Variants in IL1RAPL2 observed in about 807,000 individuals in gnomAD.
The protein encoded by IL1RAPL2 is X-linked interleukin-1 receptor accessory protein-like 2.
In IL1RAPL2, 3 loss-of-function variants were observed where a neutral mutation model predicts 44.1. The observed-to-expected ratio is 0.07, with a 90% confidence interval of 0.03 to 0.18. The LOEUF is 0.18. Among genes scored for constraint, IL1RAPL2 ranks in the 10% least tolerant of loss-of-function variants. The pLI is 1.00. For synonymous variants in IL1RAPL2, 181 were observed against 178.8 expected (o/e 1.01, Z -0.10); for missense variants, 391 against 496.4 (o/e 0.79, Z 2.02).
intron 6 of IL1RAPL2, among the ~76,000 whole-genome samples, chrX:105,705,088 C>T (rs1403026580): frequency 1.8e-5 from 2 of 110,204 alleles, no homozygotes; most frequent in Non-Finnish European, 3.8e-5. Context: ...ACTACATACT[C>T]ATGTGCACAC....
intron 2 of IL1RAPL2, among the ~76,000 whole-genome samples, chrX:104,733,367 G>A (rs1931957504): frequency 9.0e-6 from 1 of 110,666 alleles, no homozygotes; most frequent in Admixed American, 9.7e-5. Flanking sequence ...CGAGGTGGGC[G>A]GATTGCCTGA....
intron 2 of IL1RAPL2, among the ~76,000 whole-genome samples, chrX:104,665,374 T>A (rs2148025996): frequency 9.0e-6 from 1 of 111,118 alleles, no homozygotes; most frequent in South Asian, 3.8e-4. Context: ...ATTATCCATT[T>A]AATTTTTTGG....
chrX:104,966,989 A>G (rs1179192793), intron 2 of IL1RAPL2, among the ~76,000 whole-genome samples: 1 of 112,692 alleles, frequency 8.9e-6, no homozygotes, highest in Non-Finnish European at 1.9e-5. Flanking sequence ...AAAAACAGGC[A>G]GTAGGCCAGT....
chrX:105,042,202 G>A (rs1453681225), intron 2 of IL1RAPL2, among the ~76,000 whole-genome samples: 1 of 109,598 alleles, frequency 9.1e-6, no homozygotes, highest in Non-Finnish European at 1.9e-5. Flanking sequence ...AAAAGCAATG[G>A]CAACAAAAGC....
intron 3 of IL1RAPL2, among the ~76,000 whole-genome samples, chrX:105,201,785 C>T (rs781798323): frequency 5.4e-5 from 6 of 111,753 alleles, no homozygotes; most frequent in African/African-American, 6.5e-5. Flanking sequence ...GTCAACAAGT[C>T]GGTTACCCAG....
intron 4 of IL1RAPL2, among the ~76,000 whole-genome samples, chrX:105,259,094 A>G (rs1181478952): frequency 1.9e-5 from 2 of 103,670 alleles, no homozygotes; most frequent in Non-Finnish European, 4.0e-5. Flanking sequence ...GAGTACAGTC[A>G]ATAGGTGTTT....
intron 2 of IL1RAPL2, among the ~76,000 whole-genome samples, chrX:104,950,865 G>C (rs957243428): frequency 9.0e-6 from 1 of 110,910 alleles, no homozygotes; most frequent in Non-Finnish European, 1.9e-5. Context: ...CCGCCACCTC[G>C]CCCGGCTAAT....
In IL1RAPL2 at chrX:105,409,880, T is replaced by TG. The variant is rs66840352; in HGVS notation, c.698-74423dup. On this transcript the variant is annotated intron_variant, in intron 5 of 10. Transcript: ENST00000372582. The stretch of plus-strand genomic sequence containing the variant: ...GACAGACAGACAGATAGATAGAGTG[T>TG]GGGGGGGGGGTTGGAAAACATATTT... Among the ~76,000 whole-genome samples, 272 of 101,964 alleles carry TG rather than the reference T, an allele frequency of 2.7e-3. 3 individuals carry two copies. The highest frequency in any genetic ancestry group is 9.7e-3 in the African/African-American group (258 of 26,734). The allele number at this position is 101,964 out of a possible 115,157, so 88.5% of individuals were successfully genotyped here.
At chrX:105,729,868 G>A (rs867827568) in intron 7 of IL1RAPL2, among the ~76,000 whole-genome samples, 11 of 77,090 alleles carry the variant, frequency 1.4e-4, no homozygotes, top group Non-Finnish European at 2.2e-4. Context: ...GACGAAGGAA[G>A]GAAGGAAAGA....
chrX:105,392,773 G>T (rs766418668), intron 5 of IL1RAPL2, among the ~76,000 whole-genome samples: 11 of 112,320 alleles, frequency 9.8e-5, no homozygotes, highest in African/African-American at 3.2e-4. Flanking sequence ...CTCACTGGTT[G>T]TGCTGAAGTG....
chrX:104,887,700 C>T (rs187531176), intron 2 of IL1RAPL2, among the ~76,000 whole-genome samples: 8 of 111,917 alleles, frequency 7.1e-5, no homozygotes, highest in South Asian at 3.8e-4. Flanking sequence ...GGGAACCAAT[C>T]GAGCATGACT....
chrX:104,968,736 A>G (rs2030173505), intron 2 of IL1RAPL2, among the ~76,000 whole-genome samples: 1 of 111,368 alleles, frequency 9.0e-6, no homozygotes. Flanking sequence ...ATTTTAGGAA[A>G]AAAACCGCGT....
chrX:104,785,265 C>G (rs1345434588), intron 2 of IL1RAPL2, among the ~76,000 whole-genome samples: 1 of 111,812 alleles, frequency 8.9e-6, no homozygotes, highest in Non-Finnish European at 1.9e-5. Flanking sequence ...ATCCTTGTGC[C>G]TTGGCCTCCC....
In IL1RAPL2 at chrX:104,631,350, A is replaced by T. The variant is rs999414552; in HGVS notation, c.-19-27545A>T. ...ATGATTTATAATCCTTTGGGTATATACCCAGTAATGGGATGGCTGGGTCAA... is the reference window on the plus strand; with the variant it reads ...ATGATTTATAATCCTTTGGGTATATTCCCAGTAATGGGATGGCTGGGTCAA... On this transcript the variant is annotated intron_variant, in intron 1 of 10. Transcript: ENST00000372582. 2.7e-5 allele frequency among the ~76,000 whole-genome samples: 3 copies of T among 112,002 alleles called. No individual in the cohort carries two copies. In the South Asian group the frequency reaches 1.1e-3, roughly 42 times the overall value.
At chrX:105,450,929 T>TG (rs2036015529) in intron 5 of IL1RAPL2, among the ~76,000 whole-genome samples, 1 of 109,970 alleles carries the variant, frequency 9.1e-6, no homozygotes, top group African/African-American at 3.3e-5. Flanking sequence ...TGTGTGTGTG[T>TG]GTGTGTGTGT....
chrX:104,626,338 G>A (rs1040566331), intron 1 of IL1RAPL2, among the ~76,000 whole-genome samples: 5 of 108,946 alleles, frequency 4.6e-5, no homozygotes, highest in Non-Finnish European at 5.7e-5. Flanking sequence ...GTGTTTGTGC[G>A]TGTCAGACTT....
At chrX:105,306,044 G>A (rs979881879) in intron 5 of IL1RAPL2, among the ~76,000 whole-genome samples, 2 of 111,036 alleles carry the variant, frequency 1.8e-5, no homozygotes, top group African/African-American at 6.6e-5. Context: ...TGTGTTGAAA[G>A]GTTTAAAGCA....
At chrX:105,463,497 T>A (rs760227434) in intron 5 of IL1RAPL2, among the ~76,000 whole-genome samples, 1 of 110,491 alleles carries the variant, frequency 9.1e-6, no homozygotes, top group South Asian at 3.9e-4. Context: ...TAGGTTCCTG[T>A]TTATGTGAAA....
At chrX:105,035,942 T>G (rs900595806) in intron 2 of IL1RAPL2, among the ~76,000 whole-genome samples, 1 of 112,042 alleles carries the variant, frequency 8.9e-6, no homozygotes, top group Non-Finnish European at 1.9e-5. Context: ...TGAACAAATA[T>G]TCCACAGCAT....
Sources: gnomAD v4.1 joint callset for allele counts (sites outside exome capture counted in the v4.1 genomes callset) on GRCh38, gnomAD v4.1.1 for gene constraint, MANE v1.5 for transcripts, NCBI Gene and HGNC (gene_info 2026-07-23, HGNC 2026-07-21) for gene names.